The following DNAH14 variants were observed in gnomAD, a reference collection of about 807,000 sequenced individuals.
The protein encoded by DNAH14 is dynein axonemal heavy chain 14.
DNAH14 carries 478 observed loss-of-function variants against 520.9 expected under a neutral mutation model. That is an observed-to-expected ratio of 0.92 (90% CI 0.85 to 0.99). The LOEUF (loss-of-function observed/expected upper bound fraction) is 0.99, where lower values mean the gene tolerates loss of function less well. Ranked by LOEUF, DNAH14 falls within the 50% of genes least tolerant of loss-of-function variation. DNAH14 has a pLI of 0.00. For synonymous variants in DNAH14, 1,581 were observed against 1,757.2 expected, an observed-to-expected ratio of 0.90 and a Z score of 2.51; for missense variants, 4,831 against 5,234.5, an observed-to-expected ratio of 0.92 and a Z score of 2.38.
chr1:225,073,398 G>T (rs1480463557), intron 17 of DNAH14, among the ~76,000 whole-genome samples: 1 of 151,972 alleles, frequency 6.6e-6, no homozygotes, highest in East Asian at 2.0e-4. Flanking sequence ...ACACTGATGG[G>T]GGTGGCTGGA....
At chr1:225,056,698 A>C (rs1017148172) in intron 17 of DNAH14, among the ~76,000 whole-genome samples, 9 of 152,088 alleles carry the variant, frequency 5.9e-5, no homozygotes, top group African/African-American at 2.2e-4. Flanking sequence ...ATCTTGAATT[A>C]ATTTTTGTAT....
At position 225,300,903 on chromosome 1, in the gene DNAH14, G is replaced by T. The variant is rs1241263002; in HGVS notation, c.8504G>T (p.Ser2835Ile). 1.3e-6 allele frequency: 2 copies of T among 1,551,160 alleles called. No individual in the cohort carries two copies. Among genetic ancestry groups the T allele is most frequent in the Admixed American group, 2.0e-5 (1 of 50,940 alleles). Reference protein sequence around the residue: ...SFLEDLNYIISSGRIPDLFEN... With the variant: ...SFLEDLNYIIISGRIPDLFEN... ...TTAGAAGATTTGAACTACATCATCA[G>T]TTCAGGAAGAATACCTGACCTGTTT... The change falls in exon 56 of 86, where the codon AGT becomes ATT. Residue 2835 changes from serine to isoleucine, a missense_variant. Ser to Ile is a moderately radical substitution (Grantham distance 142). Coordinates refer to ENST00000682510, the MANE Select transcript of DNAH14 (RefSeq NM_001367479.1).
intron 36 of DNAH14, among the ~76,000 whole-genome samples, chr1:225,180,808 T>C (rs2083900446): frequency 6.6e-6 from 1 of 152,340 alleles, no homozygotes; most frequent in South Asian, 2.1e-4. Flanking sequence ...ATTAAGACCC[T>C]CTAATGCATT....
chr1:225,039,368 A>G (rs890707043), intron 12 of DNAH14, among the ~76,000 whole-genome samples: 1 of 151,876 alleles, frequency 6.6e-6, no homozygotes, highest in African/African-American at 2.4e-5. Flanking sequence ...AAAATAGGAA[A>G]CCTTGAAGGA....
At chr1:225,133,761 G>T (rs2078681394) in intron 27 of DNAH14, among the ~76,000 whole-genome samples, 1 of 152,172 alleles carries the variant, frequency 6.6e-6, no homozygotes, top group African/African-American at 2.4e-5. Context: ...ATTCTATGGA[G>T]AATGTCAGTG....
Position 225,315,271 on chromosome 1 carries a change from G to C in DNAH14, c.9241-3312G>C, listed in dbSNP as rs181017225. Among the ~76,000 whole-genome samples, 353 of 151,698 alleles carry C rather than the reference G, an allele frequency of 2.3e-3. 2 individuals carry two copies. Among genetic ancestry groups the C allele is most frequent in the African/African-American group, 8.2e-3 (341 of 41,360 alleles). On this transcript the variant is annotated intron_variant, in intron 60 of 85. Transcript: ENST00000682510. ...GTATGCTTCACGAAGTTTTCGTGCTGGGTTTTTCAGCTCCATCAGGTCATT... is the reference window on the plus strand; with the variant it reads ...GTATGCTTCACGAAGTTTTCGTGCTCGGTTTTTCAGCTCCATCAGGTCATT...
At chr1:225,057,969 G>C (rs1245172020) in intron 17 of DNAH14, among the ~76,000 whole-genome samples, 2 of 152,248 alleles carry the variant, frequency 1.3e-5, no homozygotes, top group South Asian at 4.1e-4. Context: ...ATGTTCATCA[G>C]GGATATTGGT....
At position 225,340,582 on chromosome 1, in the gene DNAH14, C is replaced by T. The variant is rs1185303370; in HGVS notation, c.10559C>T (p.Thr3520Ile). The change falls in exon 69 of 86, where the codon ACT becomes ATT. Residue 3520 changes from threonine (T) to isoleucine (I), a missense_variant. Transcript: ENST00000682510. ...LQDQLLSTVV[T>I]HEVPHLEDQR... ...GATCAACTCTTGTCTACTGTGGTAA[C>T]TCATGAAGTTCCTCATTTAGAAGAT... 1 of 1,551,406 alleles carries T rather than the reference C, an allele frequency of 6.4e-7. No individual in the cohort carries two copies. Among genetic ancestry groups the T allele is most frequent in the Non-Finnish European group, 8.7e-7 (1 of 1,146,870 alleles).
intron 52 of DNAH14, among the ~76,000 whole-genome samples, chr1:225,274,947 T>TA (rs757128243): frequency 1.6e-4 from 24 of 152,240 alleles, no homozygotes; most frequent in Non-Finnish European, 3.5e-4. Flanking sequence ...GACATATCAT[T>TA]ACTCACTTTA....
intron 38 of DNAH14, 120 bp downstream of exon 38, chr1:225,193,031 T>A: frequency 1.3e-6 from 1 of 774,148 alleles, no homozygotes; most frequent in Non-Finnish European, 1.9e-6. Context: ...AATTTTAAAA[T>A]CTTATGAATA....
intron 1 of DNAH14, among the ~76,000 whole-genome samples, chr1:224,944,350 C>G (rs566978777): frequency 1.3e-5 from 2 of 152,168 alleles, no homozygotes; most frequent in African/African-American, 4.8e-5. Context: ...CTTGGTAGAT[C>G]TTCCTCCATC....
At chr1:225,156,942 C>T (rs1214839646) in intron 34 of DNAH14, among the ~76,000 whole-genome samples, 1 of 147,296 alleles carries the variant, frequency 6.8e-6, no homozygotes, top group Non-Finnish European at 1.5e-5. Context: ...GTCTCGATCT[C>T]TTGACCTCGT....
chr1:225,339,501 G>A (rs2095135550), intron 68 of DNAH14, among the ~76,000 whole-genome samples: 1 of 152,122 alleles, frequency 6.6e-6, no homozygotes, highest in African/African-American at 2.4e-5. Flanking sequence ...TCAGAAAATA[G>A]TGTTGTATAG....
At position 225,152,703 on chromosome 1, in the gene DNAH14, A is replaced by T. The variant is rs2080619105; in HGVS notation, c.5016A>T (p.Gly1672=). 6.5e-7 allele frequency: 1 copy of T among 1,540,004 alleles called. No homozygotes were observed. The highest frequency in any genetic ancestry group is 8.8e-7 in the Non-Finnish European group (1 of 1,142,432). Residue 1672 remains glycine (G), a synonymous_variant, in exon 33 of 86, where the codon GGA becomes GGT. Coordinates refer to ENST00000682510, the MANE Select transcript of DNAH14 (RefSeq NM_001367479.1). The part of the protein sequence containing the change: ...AVFITMNPRY[G]GGVELPDNLK... Reference sequence around the variant, plus strand: ...TTTTTCTTTTCCTCTTCAGATACGGAGGTGGAGTAGAGCTCCCAGATAACT... The same window carrying T: ...TTTTTCTTTTCCTCTTCAGATACGGTGGTGGAGTAGAGCTCCCAGATAACT...
intron 45 of DNAH14, 23 bp downstream of exon 45, chr1:225,258,141 G>C (rs1574343538): frequency 1.4e-6 from 2 of 1,454,360 alleles, no homozygotes; most frequent in Admixed American, 6.1e-5. Context: ...TTTAATAGAA[G>C]GAGAATTTCA....
At chr1:225,181,953 G>A (rs1388749042) in intron 36 of DNAH14, among the ~76,000 whole-genome samples, 6 of 152,170 alleles carry the variant, frequency 3.9e-5, no homozygotes, top group Non-Finnish European at 5.9e-5. Flanking sequence ...TGGGGAGGCC[G>A]AGACAGGTGG....
At chr1:225,265,395 A>C in intron 48 of DNAH14, 26 bp downstream of exon 48, 1 of 1,499,312 alleles carries the variant, frequency 6.7e-7, no homozygotes, top group Non-Finnish European at 8.9e-7. Context: ...TACCTGTTCA[A>C]TAATCTGCTT....
At chr1:225,030,089 G>T (rs543690647) in intron 11 of DNAH14, among the ~76,000 whole-genome samples, 6 of 151,804 alleles carry the variant, frequency 4.0e-5, no homozygotes, top group Admixed American at 6.6e-5. Flanking sequence ...ATCAATAACA[G>T]AAGAAAGTTT....
At chr1:225,193,579 G>A (rs1248438981) in intron 38 of DNAH14, among the ~76,000 whole-genome samples, 1 of 151,832 alleles carries the variant, frequency 6.6e-6, no homozygotes, top group Non-Finnish European at 1.5e-5. Flanking sequence ...TTTTAAATGG[G>A]AAAACAATAC....
Sources: gnomAD v4.1 joint callset for allele counts (sites outside exome capture counted in the v4.1 genomes callset) on GRCh38, gnomAD v4.1.1 for gene constraint, MANE v1.5 for transcripts, NCBI Gene and HGNC (gene_info 2026-07-23, HGNC 2026-07-21) for gene names.